The following MACROD2 variants were observed in gnomAD, a reference collection of about 807,000 sequenced individuals.
MACROD2 encodes mono-ADP ribosylhydrolase 2.
A neutral mutation model predicts 70.4 loss-of-function variants in MACROD2; 36 were observed. That is an observed-to-expected ratio of 0.51 (90% CI 0.39 to 0.68). MACROD2 has a LOEUF of 0.68. Among genes scored for constraint, MACROD2 ranks in the 30% least tolerant of loss-of-function variants. The pLI is 0.00. For synonymous variants in MACROD2, 172 were observed against 178.8 expected (o/e 0.96, Z 0.30); for missense variants, 496 against 538.4 (o/e 0.92, Z 0.78).
At chr20:15,467,305 G>A (rs1428008598) in intron 7 of MACROD2, among the ~76,000 whole-genome samples, 1 of 152,228 alleles carries the variant, frequency 6.6e-6, no homozygotes, top group Non-Finnish European at 1.5e-5. Context: ...TGTAGCCCTA[G>A]CTGTCCACAG....
At chr20:15,972,185 G>A (rs1305518765) in intron 13 of MACROD2, among the ~76,000 whole-genome samples, 1 of 150,854 alleles carries the variant, frequency 6.6e-6, no homozygotes, top group East Asian at 1.9e-4. Context: ...AACAGAATAA[G>A]TGACTGAGGG....
At chr20:15,683,333 T>A (rs1434456704) in intron 8 of MACROD2, among the ~76,000 whole-genome samples, 1 of 152,218 alleles carries the variant, frequency 6.6e-6, no homozygotes, top group African/African-American at 2.4e-5. Flanking sequence ...ATTGCAAGAA[T>A]GAATTGTTCA....
chr20:15,476,909 T>C (rs1270298250), intron 7 of MACROD2, among the ~76,000 whole-genome samples: 1 of 152,198 alleles, frequency 6.6e-6, no homozygotes, highest in East Asian at 1.9e-4. Flanking sequence ...CTCTGATACA[T>C]ATTTGTAAGA....
intron 5 of MACROD2, among the ~76,000 whole-genome samples, chr20:14,868,977 A>G (rs1395198291): frequency 6.6e-6 from 1 of 152,176 alleles, no homozygotes; most frequent in Admixed American, 6.5e-5. Flanking sequence ...GTGCAAAATT[A>G]AAATGTGGGG....
chr20:14,990,545 G>A (rs1458416839), intron 5 of MACROD2, among the ~76,000 whole-genome samples: 123 of 133,462 alleles, frequency 9.2e-4, no homozygotes, highest in Non-Finnish European at 1.7e-3. Flanking sequence ...ATGGAGTCTC[G>A]CTCTGCCGCC....
At chr20:14,399,179 C>A (rs529937352) in intron 3 of MACROD2, among the ~76,000 whole-genome samples, 1 of 152,222 alleles carries the variant, frequency 6.6e-6, no homozygotes, top group South Asian at 2.1e-4. Context: ...GCCACCACAA[C>A]CGGCTAGGTT....
chr20:15,182,001 G>T (rs1204570216), intron 5 of MACROD2, among the ~76,000 whole-genome samples: 3 of 151,864 alleles, frequency 2.0e-5, no homozygotes, highest in Admixed American at 1.3e-4. Flanking sequence ...TGACAAAATA[G>T]GTGGTCAGAT....
chr20:14,809,109 A>T (rs2072676478), intron 5 of MACROD2, among the ~76,000 whole-genome samples: 1 of 152,100 alleles, frequency 6.6e-6, no homozygotes, highest in South Asian at 2.1e-4. Flanking sequence ...AGAATTCTCC[A>T]CCCCAAATCA....
chr20:15,781,341 G>A lies in MACROD2; in HGVS notation c.646-81404G>A, dbSNP rs143194961. On this transcript the variant is annotated intron_variant, in intron 8 of 17. Transcript: ENST00000684519. ...AGCTGTTTTAACAATGGTTTCAGTG[G>A]CCTTCTATGTGACCCATGCAGGGGA... Among the ~76,000 whole-genome samples, 8 of 152,304 alleles carry A rather than the reference G, an allele frequency of 5.3e-5. No homozygotes were observed. The East Asian group carries it at 1.5e-3, about 29-fold the overall frequency.
intron 3 of MACROD2, among the ~76,000 whole-genome samples, chr20:14,186,889 A>G (rs1042058418): frequency 6.6e-6 from 1 of 152,200 alleles, no homozygotes; most frequent in Admixed American, 6.5e-5. Context: ...AGTAGGTGCT[A>G]AACATTATGT....
intron 8 of MACROD2, among the ~76,000 whole-genome samples, chr20:15,530,749 T>A (rs898966981): frequency 1.3e-5 from 2 of 150,328 alleles, no homozygotes; most frequent in Non-Finnish European, 3.0e-5. Flanking sequence ...ACTATGAACA[T>A]TTTTACTTTC....
intron 5 of MACROD2, among the ~76,000 whole-genome samples, chr20:14,862,295 A>T (rs1315236507): frequency 4.4e-5 from 1 of 22,926 alleles, no homozygotes; most frequent in Non-Finnish European, 7.3e-5. Flanking sequence ...ATATTTATAT[A>T]AATATATATA....
At chr20:15,607,215 A>C (rs1167200413) in intron 8 of MACROD2, among the ~76,000 whole-genome samples, 1 of 152,246 alleles carries the variant, frequency 6.6e-6, no homozygotes, top group Non-Finnish European at 1.5e-5. Context: ...TCAGAGGCTA[A>C]ATGTGAATTT....
chr20:14,284,397 T>C (rs1020895011), intron 3 of MACROD2, among the ~76,000 whole-genome samples: 1 of 152,198 alleles, frequency 6.6e-6, no homozygotes, highest in African/African-American at 2.4e-5. Context: ...GCATAATTGG[T>C]CACCATTGCC....
chr20:15,744,922 T>C (rs1376838413), intron 8 of MACROD2, among the ~76,000 whole-genome samples: 2 of 148,618 alleles, frequency 1.3e-5, no homozygotes, highest in African/African-American at 2.5e-5. Flanking sequence ...GAGTTGTATC[T>C]CTTTTTGAAG....
At chr20:15,879,383 T>G (rs866626165) in intron 9 of MACROD2, among the ~76,000 whole-genome samples, 2 of 152,240 alleles carry the variant, frequency 1.3e-5, no homozygotes, top group South Asian at 4.1e-4. Context: ...GCTAGCAATT[T>G]GTTGCACAAA....
chr20:14,387,168 G>A (rs1436711151), intron 3 of MACROD2, among the ~76,000 whole-genome samples: 1 of 152,276 alleles, frequency 6.6e-6, no homozygotes, highest in Admixed American at 6.5e-5. Flanking sequence ...CTCAGGAGTA[G>A]TTTCTCTTTT....
At chr20:16,023,952 G>T (rs1395613135) in intron 15 of MACROD2, among the ~76,000 whole-genome samples, 1 of 152,206 alleles carries the variant, frequency 6.6e-6, no homozygotes, top group Non-Finnish European at 1.5e-5. Flanking sequence ...GTAGAAAAAT[G>T]TAGGCACTTG....
intron 3 of MACROD2, among the ~76,000 whole-genome samples, chr20:14,389,880 A>G (rs1235277258): frequency 6.6e-6 from 1 of 152,178 alleles, no homozygotes; most frequent in African/African-American, 2.4e-5. Flanking sequence ...TCTATCCAAC[A>G]TAGTACTGGA....
Sources: allele counts gnomAD v4.1 joint callset (sites outside exome capture counted in the v4.1 genomes callset), GRCh38; gene constraint gnomAD v4.1.1; transcripts MANE v1.5; gene names NCBI Gene and HGNC (gene_info 2026-07-23, HGNC 2026-07-21).